BICD1: variants seen among roughly 807,000 people sequenced by gnomAD.
The protein encoded by BICD1 is BICD cargo adaptor 1.
Under a neutral mutation model 92.5 loss-of-function variants are expected in BICD1, and 35 were observed. The ratio of observed to expected loss-of-function variants is 0.38; its 90% CI spans 0.29 to 0.50. The LOEUF (loss-of-function observed/expected upper bound fraction) is 0.50, where lower values mean the gene tolerates loss of function less well. Among genes scored for constraint, BICD1 ranks in the 20% least tolerant of loss-of-function variants. BICD1 has a pLI of 0.93. For synonymous variants in BICD1, 429 were observed against 465.1 expected (o/e 0.92, Z 1.00); for missense variants, 950 against 1,189.8 (o/e 0.80, Z 2.97).
intron 2 of BICD1, among the ~76,000 whole-genome samples, chr12:32,291,969 A>C (rs914804372): frequency 1.3e-5 from 2 of 152,228 alleles, no homozygotes; most frequent in Non-Finnish European, 2.9e-5. Context: ...TAGTGCTTGC[A>C]GATGTCACCC....
At chr12:32,343,083 C>T (rs1938441075) in intron 8 of BICD1, among the ~76,000 whole-genome samples, 1 of 152,142 alleles carries the variant, frequency 6.6e-6, no homozygotes, top group African/African-American at 2.4e-5. Context: ...TATCCTTATC[C>T]TGGCACACAA....
At chr12:32,211,836 T>C (rs760559135) in intron 1 of BICD1, among the ~76,000 whole-genome samples, 1 of 152,178 alleles carries the variant, frequency 6.6e-6, no homozygotes, top group Non-Finnish European at 1.5e-5. Context: ...CAGGCCACTG[T>C]GGGGAGAGGG....
At position 32,240,726 on chromosome 12, in the gene BICD1, T is replaced by C. The variant is rs77803268; in HGVS notation, c.426+24267T>C. On this transcript the variant is annotated intron_variant, in intron 2 of 9. Transcript: ENST00000652176. ...GACCAATACTCAGCCACAGAGGTGA[T>C]ACCACTCCCCACCCCTTAAAAATGC... is the stretch of plus-strand genomic sequence containing the variant. 8.9e-3 allele frequency among the ~76,000 whole-genome samples: 1,360 copies of C among 152,198 alleles called. 24 individuals carry two copies. Among genetic ancestry groups the C allele is most frequent in the African/African-American group, 0.031 (1,284 of 41,518 alleles).
At chr12:32,353,495 G>C (rs1309586242) in intron 8 of BICD1, 1 of 151,352 alleles carries the variant, frequency 6.6e-6, no homozygotes, top group Admixed American at 6.6e-5. Flanking sequence ...ATTGGTGAAA[G>C]TCTGTAATTT....
intron 9 of BICD1, among the ~76,000 whole-genome samples, chr12:32,369,252 C>A (rs930125692): frequency 6.6e-6 from 1 of 152,236 alleles, no homozygotes; most frequent in Non-Finnish European, 1.5e-5. Flanking sequence ...AGGACCTCAC[C>A]TCCATCCTGG....
Position 32,379,454 on chromosome 12 carries a change from A to T in BICD1, c.*1827A>T, listed in dbSNP as rs1396047292. On this transcript the variant is annotated 3_prime_UTR_variant, in exon 10 of 10. Coordinates refer to ENST00000652176, the MANE Select transcript of BICD1 (RefSeq NM_001714.4). Reference sequence around the variant, plus strand: ...CCAAAATAAGGGTTCAGGTTAAAGTACAGAAACAGAAACAAAACGATTCGA... The same window carrying T: ...CCAAAATAAGGGTTCAGGTTAAAGTTCAGAAACAGAAACAAAACGATTCGA... 3 of 152,238 alleles carry T rather than the reference A, an allele frequency of 2.0e-5. No individual in the cohort carries two copies. The highest frequency in any genetic ancestry group is 2.9e-5 in the Non-Finnish European group (2 of 68,048). The allele number at this position is 152,238 out of a possible 1,614,324, so 9.4% of individuals were successfully genotyped here.
rs1943359348 is a variant in BICD1, at chr12:32,153,797, GTA to G, written c.213+46259_213+46260del. 2.0e-5 allele frequency among the ~76,000 whole-genome samples: 3 copies of G among 149,846 alleles called. 1 individual carries two copies. On this transcript the variant is annotated intron_variant, in intron 1 of 9. Transcript: ENST00000652176. ...TATATATATATGTGTGTGTGTGTGTGTATATATGTAATACATATATATTACAT... is the reference window on the plus strand; with the variant it reads ...TATATATATATGTGTGTGTGTGTGTGTATATGTAATACATATATATTACAT...
At chr12:32,147,025 G>A (rs943566091) in intron 1 of BICD1, among the ~76,000 whole-genome samples, 2 of 151,212 alleles carry the variant, frequency 1.3e-5, no homozygotes, top group Admixed American at 6.6e-5. Flanking sequence ...CTGCAGCCTC[G>A]ACCTCCCCAG....
intron 1 of BICD1, among the ~76,000 whole-genome samples, chr12:32,158,095 G>T (rs985565699): frequency 1.5e-4 from 21 of 143,582 alleles, no homozygotes; most frequent in South Asian, 8.8e-4. Context: ...GAGCCTAGGG[G>T]TTTTTTTTTT....
rs765626321 is a variant in BICD1 at position 32,337,837 on chromosome 12, A to G, written c.2570+21A>G. On this transcript the variant is annotated intron_variant, in intron 7 of 9. Coordinates refer to ENST00000652176, the MANE Select transcript of BICD1 (RefSeq NM_001714.4). The surrounding 1 kb of genome is among the most constrained non-coding windows in gnomAD (Gnocchi z 4.7). ...AAAAGGTATGCATGCAGCGATCTTC[A>G]TAGTACGGTGCAGTGGCCAGATTTT... 3 of 1,611,694 alleles carry G rather than the reference A, an allele frequency of 1.9e-6. No individual in the cohort carries two copies. The highest frequency in any genetic ancestry group is 1.7e-5 in the Admixed American group (1 of 59,980).
At chr12:32,149,256 T>A (rs566661967) in intron 1 of BICD1, among the ~76,000 whole-genome samples, 50 of 39,932 alleles carry the variant, frequency 1.3e-3, no homozygotes, top group Admixed American at 9.7e-3. Flanking sequence ...TCAGTGCTGG[T>A]CATCAATGAT....
At chr12:32,108,601 G>A (rs1941579883) in intron 1 of BICD1, 1 of 672,732 alleles carries the variant, frequency 1.5e-6, no homozygotes, top group Non-Finnish European at 2.7e-6. Context: ...TTATTGTTTG[G>A]CATATAATAT....
At chr12:32,352,484 C>CA (rs36089288) in intron 8 of BICD1, 13,088 of 137,404 alleles carry the variant, frequency 0.095, 634 homozygotes, top group Middle Eastern at 0.13. Flanking sequence ...GATGCCGTCT[C>CA]AAAAAAAAAA....
At chr12:32,309,399 G>A (rs988784962) in intron 4 of BICD1, among the ~76,000 whole-genome samples, 17 of 152,124 alleles carry the variant, frequency 1.1e-4, no homozygotes, top group African/African-American at 3.4e-4. Context: ...GTTTCAGATT[G>A]TAGAAAGGTA....
intron 1 of BICD1, among the ~76,000 whole-genome samples, chr12:32,139,177 A>G (rs1942824097): frequency 6.6e-6 from 1 of 152,160 alleles, no homozygotes; most frequent in Non-Finnish European, 1.5e-5. Context: ...TTGTGTTCTA[A>G]GCCACGTGGC....
chr12:32,212,968 C>T (rs1234048164), intron 1 of BICD1, among the ~76,000 whole-genome samples: 1 of 152,064 alleles, frequency 6.6e-6, no homozygotes, highest in African/African-American at 2.4e-5. Flanking sequence ...AAAAAGTTGC[C>T]CCAAAATACT....
chr12:32,298,569 CA>C (rs56382132), intron 3 of BICD1, among the ~76,000 whole-genome samples: 56 of 77,808 alleles, frequency 7.2e-4, no homozygotes, highest in African/African-American at 2.5e-3. Context: ...CGATCCACCT[CA>C]AAAAAAAAAA....
chr12:32,153,232 T>A (rs1428204566), intron 1 of BICD1, among the ~76,000 whole-genome samples: 2 of 152,232 alleles, frequency 1.3e-5, no homozygotes, highest in Non-Finnish European at 2.9e-5. Context: ...TCTATGTTGC[T>A]GCAAAGGACA....
At chr12:32,372,679 G>C (rs971781315) in intron 9 of BICD1, among the ~76,000 whole-genome samples, 1 of 152,114 alleles carries the variant, frequency 6.6e-6, no homozygotes, top group Non-Finnish European at 1.5e-5. Flanking sequence ...AGGATTTCTA[G>C]ATCAGCCTAG....
Sources: gnomAD v4.1 joint callset for allele counts (sites outside exome capture counted in the v4.1 genomes callset) on GRCh38, gnomAD v4.1.1 for gene constraint, Gnocchi (gnomAD v3.1) non-coding constraint, MANE v1.5 for transcripts, NCBI Gene and HGNC (gene_info 2026-07-23, HGNC 2026-07-21) for gene names.